CEP128: variants seen among roughly 807,000 people sequenced by gnomAD.
CEP128 encodes centrosomal protein 128.
CEP128 carries 132 observed loss-of-function variants against 156.7 expected under a neutral mutation model. The observed-to-expected ratio is 0.84, with a 90% CI of 0.73 to 0.97. The LOEUF (loss-of-function observed/expected upper bound fraction) is 0.97, where lower values mean the gene tolerates loss of function less well. Ranked by LOEUF, CEP128 falls within the 50% of genes least tolerant of loss-of-function variation. The probability of loss-of-function intolerance (pLI) is 0.00; values close to 1 mark genes in which losing one functional copy is unlikely to be tolerated. For synonymous variants in CEP128, 469 were observed against 448.9 expected (o/e 1.04, Z -0.57); for missense variants, 1,252 against 1,281.9 (o/e 0.98, Z 0.36).
chr14:80,955,353 G>T, intron 2 of CEP128: 1 of 477,240 alleles, frequency 2.1e-6, no homozygotes, highest in Non-Finnish European at 3.9e-6. Context: ...GCCCGGGGTG[G>T]GGGGGCGGGC....
At chr14:80,824,902 G>C (rs557308213) in intron 13 of CEP128, among the ~76,000 whole-genome samples, 1 of 152,252 alleles carries the variant, frequency 6.6e-6, no homozygotes, top group Middle Eastern at 3.4e-3. Context: ...CTGTTTTCAT[G>C]TTGCTGATAA....
chr14:80,757,767 T>C (rs1899743563), intron 17 of CEP128, among the ~76,000 whole-genome samples: 1 of 152,238 alleles, frequency 6.6e-6, no homozygotes, highest in African/African-American at 2.4e-5. Flanking sequence ...CTGAGCTGTG[T>C]GCACATTGCT....
chr14:80,758,522 C>CA (rs56253131), intron 17 of CEP128, among the ~76,000 whole-genome samples: 6,551 of 115,230 alleles, frequency 0.057, 405 homozygotes, highest in African/African-American at 0.17. Flanking sequence ...GACTTTGTCT[C>CA]AAAAAAAAAA....
intron 8 of CEP128, among the ~76,000 whole-genome samples, chr14:80,890,573 C>A (rs143253696): frequency 2.4e-4 from 37 of 152,154 alleles, no homozygotes; most frequent in African/African-American, 7.5e-4. Context: ...AGGAGCTGAA[C>A]AATGAGAACA....
chr14:80,683,036 T>C (rs1430254032), intron 19 of CEP128, among the ~76,000 whole-genome samples: 1 of 151,922 alleles, frequency 6.6e-6, no homozygotes, highest in Admixed American at 6.6e-5. Context: ...CTTAAGTACA[T>C]AGCTCACAGA....
chr14:80,617,524 C>T (rs904116018), intron 19 of CEP128, among the ~76,000 whole-genome samples: 1 of 152,030 alleles, frequency 6.6e-6, no homozygotes, highest in Non-Finnish European at 1.5e-5. Flanking sequence ...CATGAGCCAC[C>T]GCGCCCGGCC....
intron 2 of CEP128, among the ~76,000 whole-genome samples, chr14:80,948,563 G>T (rs1647121662): frequency 6.6e-6 from 1 of 152,070 alleles, no homozygotes; most frequent in African/African-American, 2.4e-5. Context: ...ACTTTAATGG[G>T]GACTTTCTGA....
intron 2 of CEP128, among the ~76,000 whole-genome samples, chr14:80,923,018 G>A (rs754617009): frequency 6.6e-6 from 1 of 152,190 alleles, no homozygotes; most frequent in Non-Finnish European, 1.5e-5. Flanking sequence ...TTTCAGACGT[G>A]AGCTTTTTCC....
intron 18 of CEP128, 105 bp downstream of exon 18, chr14:80,756,787 T>C: frequency 1.4e-6 from 1 of 716,648 alleles, no homozygotes; most frequent in South Asian, 1.7e-5. Context: ...TTAAGCATTA[T>C]AGCTTCATAT....
At chr14:80,535,615 T>A (rs1010017922) in intron 21 of CEP128, among the ~76,000 whole-genome samples, 1 of 149,680 alleles carries the variant, frequency 6.7e-6, no homozygotes, top group Non-Finnish European at 1.5e-5. Flanking sequence ...ATGCACACAC[T>A]CACACACACA....
rs755730645 is a variant in CEP128 at position 80,527,000 on chromosome 14, C to G, written c.2959-18G>C. The G allele has an allele frequency of 1.1e-6, 1 of 889,872 alleles. No individual in the cohort carries two copies. The highest frequency in any genetic ancestry group is 2.0e-5 in the Admixed American group (1 of 51,112). The allele number at this position is 889,872 out of a possible 1,614,324, so 55.1% of individuals were successfully genotyped here. On this transcript the variant is annotated intron_variant, in intron 22 of 24. Coordinates refer to ENST00000555265, the MANE Select transcript of CEP128 (RefSeq NM_152446.5). ...CAGGAATCCTGGAAAAAAAAAAAAG[C>G]AAAGGGTCTGAACTGGTAGATGAAA...
chr14:80,710,529 T>C (rs1199446486), intron 19 of CEP128, among the ~76,000 whole-genome samples: 7 of 152,136 alleles, frequency 4.6e-5, no homozygotes. Context: ...CAAGTTACTC[T>C]GGATATTTAT....
intron 20 of CEP128, among the ~76,000 whole-genome samples, chr14:80,563,093 C>CT (rs1429169386): frequency 1.3e-5 from 2 of 152,094 alleles, no homozygotes; most frequent in Non-Finnish European, 2.9e-5. Flanking sequence ...CCCAGAGCTG[C>CT]CTTTGTAATT....
chr14:80,703,606 C>A (rs1035182270), intron 19 of CEP128, among the ~76,000 whole-genome samples: 8 of 151,896 alleles, frequency 5.3e-5, no homozygotes, highest in East Asian at 1.9e-4. Flanking sequence ...ACCAATGTCA[C>A]TTTTTAAGCT....
Position 80,544,504 on chromosome 14 carries a change from T to C in CEP128, c.2881-13618A>G, listed in dbSNP as rs10150638. 7.2e-3 allele frequency among the ~76,000 whole-genome samples: 1,091 copies of C among 152,262 alleles called. 18 individuals carry two copies. The highest frequency in any genetic ancestry group is 0.025 in the African/African-American group (1,046 of 41,552). On this transcript the variant is annotated intron_variant, in intron 21 of 24. Coordinates refer to ENST00000555265, the MANE Select transcript of CEP128 (RefSeq NM_152446.5). ...TCTCTCTAGTATCTTTTGCTTCTTATATGGGCACTAATTCCATCATGCAGG... is the reference window on the plus strand; with the variant it reads ...TCTCTCTAGTATCTTTTGCTTCTTACATGGGCACTAATTCCATCATGCAGG...
intron 19 of CEP128, among the ~76,000 whole-genome samples, chr14:80,676,304 C>T (rs2140947233): frequency 6.6e-6 from 1 of 152,142 alleles, no homozygotes; most frequent in Middle Eastern, 3.4e-3. Flanking sequence ...GGTACTTTAT[C>T]ATGTTTTCCT....
intron 19 of CEP128, among the ~76,000 whole-genome samples, chr14:80,593,573 C>A (rs1283162509): frequency 2.0e-5 from 3 of 151,350 alleles, no homozygotes; most frequent in African/African-American, 7.3e-5. Context: ...AAAGAAAACC[C>A]CATCTTCTCA....
rs190437391 is a variant in CEP128, at chr14:80,917,737, T to C, written c.-15-1175A>G. Among the ~76,000 whole-genome samples the C allele has an allele frequency of 3.9e-5, 6 of 152,330 alleles. No homozygotes were observed. The East Asian group carries it at 1.2e-3, about 29-fold the overall frequency. On this transcript the variant is annotated intron_variant, in intron 2 of 24. Coordinates refer to ENST00000555265, the MANE Select transcript of CEP128 (RefSeq NM_152446.5). ...TATTCTGAATGCATCTGGAAGTACA[T>C]TGATCATACATTTAAGGAGACAATA...
At chr14:80,514,376 G>T (rs376346968) in intron 23 of CEP128, among the ~76,000 whole-genome samples, 36 of 152,040 alleles carry the variant, frequency 2.4e-4, no homozygotes, top group African/African-American at 8.7e-4. Flanking sequence ...CATCAACAGA[G>T]GCTATTTTCT....
Sources: gnomAD v4.1 joint callset for allele counts (sites outside exome capture counted in the v4.1 genomes callset) on GRCh38, gnomAD v4.1.1 for gene constraint, MANE v1.5 for transcripts, NCBI Gene and HGNC (gene_info 2026-07-23, HGNC 2026-07-21) for gene names.